The following SLC25A21 variants were observed in gnomAD, a reference collection of about 807,000 sequenced individuals.
The protein encoded by SLC25A21 is mitochondrial 2-oxodicarboxylate carrier.
Under a neutral mutation model 43.8 loss-of-function variants are expected in SLC25A21, and 47 were observed. The ratio of observed to expected loss-of-function variants is 1.07; its 90% confidence interval spans 0.85 to 1.37. The LOEUF is 1.37. Ranked by LOEUF, SLC25A21 falls within the 40% of genes most tolerant of loss-of-function variation. The pLI, the probability that SLC25A21 is intolerant of heterozygous loss-of-function variation, is 0.00. For synonymous variants in SLC25A21, 131 were observed against 121.3 expected, an observed-to-expected ratio of 1.08 and a Z score of -0.52; for missense variants, 352 against 350.2, an observed-to-expected ratio of 1.00 and a Z score of -0.04.
chr14:36,773,717 T>C (rs1205980247), intron 3 of SLC25A21, among the ~76,000 whole-genome samples: 1 of 152,214 alleles, frequency 6.6e-6, no homozygotes, highest in African/African-American at 2.4e-5. Context: ...TAACCCTATG[T>C]GGAGAGTTCT....
chr14:36,900,120 C>T (rs901850370), intron 1 of SLC25A21, among the ~76,000 whole-genome samples: 1 of 151,816 alleles, frequency 6.6e-6, no homozygotes, highest in Non-Finnish European at 1.5e-5. Context: ...TCTGTTTGTC[C>T]CTGCTTGCTT....
intron 3 of SLC25A21, among the ~76,000 whole-genome samples, chr14:36,755,666 A>G (rs1223654227): frequency 6.6e-6 from 1 of 152,238 alleles, no homozygotes; most frequent in Non-Finnish European, 1.5e-5. Context: ...ATTAAAAAAA[A>G]TCTATATATA....
intron 1 of SLC25A21, among the ~76,000 whole-genome samples, chr14:36,940,578 T>C (rs939775114): frequency 6.6e-5 from 10 of 152,126 alleles, no homozygotes; most frequent in African/African-American, 2.4e-4. Flanking sequence ...TGGTCATTTT[T>C]TTCTAAATAA....
chr14:36,900,798 C>A (rs1348391675), intron 1 of SLC25A21, among the ~76,000 whole-genome samples: 1 of 152,146 alleles, frequency 6.6e-6, no homozygotes, highest in East Asian at 1.9e-4. Flanking sequence ...ATAGGGAAGA[C>A]ATAATCTCTA....
chr14:36,770,527 T>C (rs931595653), intron 3 of SLC25A21, among the ~76,000 whole-genome samples: 1 of 152,154 alleles, frequency 6.6e-6, no homozygotes, highest in Non-Finnish European at 1.5e-5. Flanking sequence ...AAAATAAAAG[T>C]TGAAATTATA....
At chr14:37,063,584 T>G (rs117566755) in intron 1 of SLC25A21, among the ~76,000 whole-genome samples, 2,028 of 151,670 alleles carry the variant, frequency 0.013, 13 homozygotes, top group Non-Finnish European at 0.02. Flanking sequence ...CTGAGGTGCA[T>G]GTTGTGGAGG....
chr14:36,809,484 T>G (rs182566920), intron 3 of SLC25A21, among the ~76,000 whole-genome samples: 81 of 152,280 alleles, frequency 5.3e-4, no homozygotes, highest in African/African-American at 1.9e-3. Context: ...GACATGGTTT[T>G]TATTAAAAAG....
intron 1 of SLC25A21, among the ~76,000 whole-genome samples, chr14:37,035,742 A>C (rs1025861684): frequency 6.6e-6 from 1 of 152,226 alleles, no homozygotes; most frequent in Non-Finnish European, 1.5e-5. Context: ...ACTGGAAAAC[A>C]AATGGAAAAG....
At chr14:37,164,259 A>C (rs1963995777) in intron 1 of SLC25A21, among the ~76,000 whole-genome samples, 1 of 152,196 alleles carries the variant, frequency 6.6e-6, no homozygotes, top group Admixed American at 6.5e-5. Context: ...AAGAGAGACA[A>C]GATTACATTT....
intron 1 of SLC25A21, among the ~76,000 whole-genome samples, chr14:36,975,315 A>G (rs1474705103): frequency 2.0e-5 from 3 of 152,192 alleles, no homozygotes; most frequent in African/African-American, 7.2e-5. Context: ...CTCATAAATC[A>G]CCACTAAAGA....
intron 1 of SLC25A21, among the ~76,000 whole-genome samples, chr14:37,166,080 A>T (rs888695618): frequency 7.2e-5 from 11 of 152,178 alleles, no homozygotes; most frequent in Non-Finnish European, 1.6e-4. Context: ...TGAGAAACAG[A>T]AAAAGGTGTC....
At chr14:36,756,064 A>G (rs1885916627) in intron 3 of SLC25A21, among the ~76,000 whole-genome samples, 1 of 152,330 alleles carries the variant, frequency 6.6e-6, no homozygotes, top group Non-Finnish European at 1.5e-5. Context: ...GGGTGGTGCC[A>G]TCCCATAATA....
chr14:36,857,508 A>G (rs1417178774), intron 2 of SLC25A21, among the ~76,000 whole-genome samples: 13 of 152,228 alleles, frequency 8.5e-5, no homozygotes, highest in Non-Finnish European at 1.5e-5. Context: ...AAACGTAAAG[A>G]AAAGAAAATC....
intron 3 of SLC25A21, among the ~76,000 whole-genome samples, chr14:36,796,110 C>T (rs1887660021): frequency 6.6e-6 from 1 of 151,964 alleles, no homozygotes; most frequent in Non-Finnish European, 1.5e-5. Context: ...AGAAAAAGGG[C>T]CCACAAGTCT....
intron 1 of SLC25A21, among the ~76,000 whole-genome samples, chr14:37,119,198 ACTG>A (rs1316333320): frequency 1.3e-5 from 2 of 152,140 alleles, no homozygotes; most frequent in African/African-American, 4.8e-5. Context: ...AGTTCCAGGA[ACTG>A]CCTGCCCCTT....
chr14:36,743,588 G>A (rs1885366109), intron 3 of SLC25A21, among the ~76,000 whole-genome samples: 1 of 151,984 alleles, frequency 6.6e-6, no homozygotes, highest in Non-Finnish European at 1.5e-5. Context: ...TACTGGATGG[G>A]GAAAAGCTGA....
chr14:36,997,961 G>T (rs560206129), intron 1 of SLC25A21, among the ~76,000 whole-genome samples: 160 of 152,186 alleles, frequency 1.1e-3, no homozygotes, highest in Non-Finnish European at 1.6e-3. Context: ...GACATCTAAG[G>T]AACAGACAGG....
At chr14:36,759,333 G>A (rs2139274867) in intron 3 of SLC25A21, among the ~76,000 whole-genome samples, 1 of 152,212 alleles carries the variant, frequency 6.6e-6, no homozygotes, top group African/African-American at 2.4e-5. Flanking sequence ...CTTGAAATGT[G>A]TATCTAGTTT....
chr14:36,884,893 C>G (rs1890869247), intron 1 of SLC25A21, among the ~76,000 whole-genome samples: 1 of 152,004 alleles, frequency 6.6e-6, no homozygotes, highest in African/African-American at 2.4e-5. Flanking sequence ...ATGTGGTTTG[C>G]AAGTATTTTC....
Sources: allele counts gnomAD v4.1 joint callset (sites outside exome capture counted in the v4.1 genomes callset), GRCh38; gene constraint gnomAD v4.1.1; transcripts MANE v1.5; gene names NCBI Gene and HGNC (gene_info 2026-07-23, HGNC 2026-07-21).